EIF4G3: variants seen among roughly 807,000 people sequenced by gnomAD.
The protein encoded by EIF4G3 is eIF-4-gamma 3.
Under a neutral mutation model 186.4 loss-of-function variants are expected in EIF4G3, and 34 were observed. The ratio of observed to expected loss-of-function variants is 0.18; its 90% CI spans 0.14 to 0.24. The LOEUF (loss-of-function observed/expected upper bound fraction) is 0.24, where lower values mean the gene tolerates loss of function less well. Ranked by LOEUF, EIF4G3 falls within the 10% of genes least tolerant of loss-of-function variation. The pLI, the probability that EIF4G3 is intolerant of heterozygous loss-of-function variation, is 1.00. For missense variants in EIF4G3, 1,536 were observed against 1,948.5 expected, an observed-to-expected ratio of 0.79 and a Z score of 3.99; for synonymous variants, 673 against 679.5, an observed-to-expected ratio of 0.99 and a Z score of 0.15.
chr1:20,807,095 T>C lies in EIF4G3; in HGVS notation c.*224A>G, dbSNP rs1418519112. ...GAAAATATTTTCTATAAATAATACA[T>C]GTATTTTGGTTTTAGTGCTCCCGCC... On this transcript the variant is annotated 3_prime_UTR_variant, in exon 37 of 37. Transcript: ENST00000602326. The C allele has an allele frequency of 5.8e-6, 2 of 345,602 alleles. No individual in the cohort carries two copies. The highest frequency in any genetic ancestry group is 4.7e-5 in the Admixed American group (1 of 21,224). The allele number at this position is 345,602 out of a possible 1,614,324, so 21.4% of individuals were successfully genotyped here.
At chr1:20,957,522 CAAA>C (rs11366654) in intron 12 of EIF4G3, among the ~76,000 whole-genome samples, 9 of 117,796 alleles carry the variant, frequency 7.6e-5, no homozygotes, top group Non-Finnish European at 1.0e-4. Flanking sequence ...GACTCTGTCT[CAAA>C]AAAAAAAAAA....
intron 2 of EIF4G3, among the ~76,000 whole-genome samples, chr1:21,114,577 G>A (rs750097280): frequency 2.6e-5 from 4 of 151,756 alleles, no homozygotes; most frequent in Non-Finnish European, 4.4e-5. Flanking sequence ...AAGCCATTTC[G>A]GCTTGCCACT....
chr1:21,012,224 T>C (rs189846919), intron 4 of EIF4G3, among the ~76,000 whole-genome samples: 59 of 152,328 alleles, frequency 3.9e-4, no homozygotes, highest in Non-Finnish European at 4.4e-4. Flanking sequence ...AGTCGTTTAC[T>C]ATTCCATATT....
chr1:20,862,676 G>A (rs767270663), intron 22 of EIF4G3, among the ~76,000 whole-genome samples: 27 of 152,178 alleles, frequency 1.8e-4, no homozygotes, highest in Admixed American at 3.9e-4. Context: ...GCCTCTCAAC[G>A]TGCTGGAATT....
chr1:20,973,067 G>C lies in EIF4G3; in HGVS notation c.526C>G (p.Gln176Glu). 1 of 1,610,862 alleles carries C rather than the reference G, an allele frequency of 6.2e-7. No individual in the cohort carries two copies. The highest frequency in any genetic ancestry group is 8.5e-7 in the Non-Finnish European group (1 of 1,179,204). Residue 176 changes from glutamine (Q) to glutamate (E), a missense_variant, in exon 11 of 37, where the codon CAG becomes GAG. By Grantham distance (29) the Gln-to-Glu change is conservative (BLOSUM62 2). Transcript: ENST00000602326. ...GTAGGCACTATGATAGGTGCTGACT[G>C]ATACACCGGCTGACTTGGGTAAAAA... The part of the protein sequence containing the change: ...TPFYPSQPVY[Q>E]SAPIIVPTQQ...
intron 7 of EIF4G3, among the ~76,000 whole-genome samples, chr1:20,991,087 A>G (rs980823979): frequency 2.0e-5 from 3 of 152,242 alleles, no homozygotes; most frequent in African/African-American, 4.8e-5. Context: ...TCAGGTGTCA[A>G]TTTGATAATC....
intron 2 of EIF4G3, among the ~76,000 whole-genome samples, chr1:21,118,223 T>A (rs1035134597): frequency 6.6e-6 from 1 of 152,218 alleles, no homozygotes; most frequent in African/African-American, 2.4e-5. Context: ...TATGAACAAG[T>A]AATACAGGTT....
At chr1:21,016,339 T>G (rs902957712) in intron 4 of EIF4G3, among the ~76,000 whole-genome samples, 1 of 151,988 alleles carries the variant, frequency 6.6e-6, no homozygotes, top group African/African-American at 2.4e-5. Flanking sequence ...CTACAAAAAC[T>G]CAACTAAGCA....
intron 2 of EIF4G3, among the ~76,000 whole-genome samples, chr1:21,119,689 C>CT (rs1384714435): frequency 6.6e-6 from 1 of 152,058 alleles, no homozygotes; most frequent in Non-Finnish European, 1.5e-5. Flanking sequence ...TTAACTATTA[C>CT]TTTTTTTAAG....
intron 15 of EIF4G3, among the ~76,000 whole-genome samples, chr1:20,900,536 GAA>G (rs1181952338): frequency 7.0e-6 from 1 of 143,072 alleles, no homozygotes. Flanking sequence ...GAGAGAGAGA[GAA>G]AAAAAAAAGA....
At chr1:20,929,069 C>G (rs1024789652) in intron 14 of EIF4G3, among the ~76,000 whole-genome samples, 1 of 152,198 alleles carries the variant, frequency 6.6e-6, no homozygotes, top group African/African-American at 2.4e-5. Flanking sequence ...CATTCCTTAT[C>G]ATGGTCCGAT....
intron 12 of EIF4G3, among the ~76,000 whole-genome samples, chr1:20,967,584 T>C (rs2074975322): frequency 6.6e-6 from 1 of 152,228 alleles, no homozygotes. Flanking sequence ...TATACTCATC[T>C]GGATAATGAA....
chr1:20,898,781 A>G (rs1307579118), intron 16 of EIF4G3, among the ~76,000 whole-genome samples: 1 of 152,104 alleles, frequency 6.6e-6, no homozygotes, highest in Non-Finnish European at 1.5e-5. Context: ...CCCAGGCTGG[A>G]GTGCAATGGT....
At chr1:20,937,719 T>C (rs545537190) in intron 14 of EIF4G3, among the ~76,000 whole-genome samples, 47 of 152,246 alleles carry the variant, frequency 3.1e-4, no homozygotes, top group African/African-American at 1.1e-3. Context: ...ATTCCTAAAA[T>C]TGTAGAAAAC....
At chr1:20,899,629 A>T in intron 16 of EIF4G3, 68 bp downstream of exon 16, 1 of 1,553,194 alleles carries the variant, frequency 6.4e-7, no homozygotes, top group Non-Finnish European at 8.8e-7. Context: ...CTCTAAAAAG[A>T]GGCAACATTT....
intron 7 of EIF4G3, among the ~76,000 whole-genome samples, chr1:20,984,376 G>A (rs2078966254): frequency 6.6e-6 from 1 of 151,714 alleles, no homozygotes; most frequent in Admixed American, 6.6e-5. Context: ...ATATTGGCCA[G>A]GCTGGTCTCG....
chr1:20,903,803 C>T (rs1041264575), intron 15 of EIF4G3, among the ~76,000 whole-genome samples: 6 of 152,174 alleles, frequency 3.9e-5, no homozygotes, highest in African/African-American at 1.4e-4. Flanking sequence ...GAAGTAAACA[C>T]ACTCAAAGTT....
chr1:20,994,203 AAT>A (rs2081752507), intron 7 of EIF4G3, among the ~76,000 whole-genome samples: 1 of 152,350 alleles, frequency 6.6e-6, no homozygotes, highest in Admixed American at 6.5e-5. Context: ...CCCAAATGCC[AAT>A]ACCTATCCCA....
At chr1:21,168,820 G>T (rs1209839183) in intron 2 of EIF4G3, among the ~76,000 whole-genome samples, 3 of 151,730 alleles carry the variant, frequency 2.0e-5, no homozygotes, top group African/African-American at 7.3e-5. Context: ...AAAAATGTAT[G>T]ACCACTAATA....
Sources: allele counts gnomAD v4.1 joint callset (sites outside exome capture counted in the v4.1 genomes callset), GRCh38; gene constraint gnomAD v4.1.1; transcripts MANE v1.5; gene names NCBI Gene and HGNC (gene_info 2026-07-23, HGNC 2026-07-21).